The following LSAMP variants were observed in gnomAD, a reference collection of about 807,000 sequenced individuals.
The protein encoded by LSAMP is limbic system associated membrane protein, also known as limbic system-associated membrane protein.
Under a neutral mutation model 38.6 loss-of-function variants are expected in LSAMP, and 7 were observed. That is an observed-to-expected ratio of 0.18 (90% confidence interval 0.10 to 0.34). LSAMP has a LOEUF of 0.34. Ranked by LOEUF, LSAMP falls within the 10% of genes least tolerant of loss-of-function variation. The pLI is 1.00. For missense variants in LSAMP, 313 were observed against 420.0 expected, an observed-to-expected ratio of 0.75 and a Z score of 2.23; for synonymous variants, 154 against 166.8, an observed-to-expected ratio of 0.92 and a Z score of 0.59.
chr3:116,231,290 G>A lies in LSAMP; in HGVS notation c.156-144734C>T, dbSNP rs535802230. Among the ~76,000 whole-genome samples the A allele has an allele frequency of 2.0e-5, 3 of 152,292 alleles. No homozygotes were observed. The South Asian group carries it at 6.2e-4, about 32-fold the overall frequency. On this transcript the variant is annotated intron_variant, in intron 1 of 6. Transcript: ENST00000490035. ...AGTTCTCACATATTCAATCATTGAT[G>A]ATAAGAGCTTGGGTGTGAAAATCTG...
chr3:116,318,306 T>C (rs921740727), intron 1 of LSAMP, among the ~76,000 whole-genome samples: 1 of 152,152 alleles, frequency 6.6e-6, no homozygotes, highest in Non-Finnish European at 1.5e-5. Context: ...AAATCATTCA[T>C]TTAAAGATTT....
chr3:115,975,370 G>A (rs1939155073), intron 3 of LSAMP, among the ~76,000 whole-genome samples: 1 of 152,202 alleles, frequency 6.6e-6, no homozygotes, highest in Non-Finnish European at 1.5e-5. Context: ...ACTAATGAAA[G>A]AGGTTGGGGT....
At chr3:116,416,988 A>G (rs1458481474) in intron 1 of LSAMP, among the ~76,000 whole-genome samples, 1 of 152,182 alleles carries the variant, frequency 6.6e-6, no homozygotes, top group African/African-American at 2.4e-5. Flanking sequence ...GGAAAAGTGA[A>G]AGATTAAAGG....
intron 1 of LSAMP, among the ~76,000 whole-genome samples, chr3:116,344,990 T>C (rs2048044641): frequency 6.6e-6 from 1 of 152,342 alleles, no homozygotes; most frequent in South Asian, 2.1e-4. Context: ...AATCCCTGTG[T>C]GTATGTATGT....
At chr3:116,386,036 TG>T (rs1460922597) in intron 1 of LSAMP, among the ~76,000 whole-genome samples, 1 of 152,074 alleles carries the variant, frequency 6.6e-6, no homozygotes, top group Non-Finnish European at 1.5e-5. Flanking sequence ...CAAAAAACTT[TG>T]GGAAATTCTT....
chr3:116,325,333 G>T (rs114655982), intron 1 of LSAMP, among the ~76,000 whole-genome samples: 184 of 151,944 alleles, frequency 1.2e-3, no homozygotes, highest in African/African-American at 3.8e-3. Flanking sequence ...ACAAGGAATC[G>T]CTACCTCTTT....
In LSAMP at chr3:115,808,556, C is replaced by T. The variant is rs1933703858; in HGVS notation, c.*1761G>A. ...TTGCCCAGCAATTTTGGTTAAGGAC[C>T]TAGATCACATTTCAGTGTTAATGTC... On this transcript the variant is annotated 3_prime_UTR_variant, in exon 7 of 7. Coordinates refer to ENST00000490035, the MANE Select transcript of LSAMP (RefSeq NM_002338.5). 6.6e-6 allele frequency: 1 copy of T among 152,016 alleles called. No individual in the cohort carries two copies. The highest frequency in any genetic ancestry group is 2.4e-5 in the African/African-American group (1 of 41,396). 9.4% of individuals were successfully genotyped at this position (152,016 alleles called of 1,614,324 possible). A position where few individuals can be genotyped will look rare whatever the true frequency, so the allele number is the denominator to read the frequency against.
intron 3 of LSAMP, among the ~76,000 whole-genome samples, chr3:115,990,458 A>C (rs1270409556): frequency 2.0e-5 from 3 of 152,170 alleles, no homozygotes; most frequent in East Asian, 1.9e-4. Context: ...GTGACCTAGT[A>C]GTAGGCATCT....
At chr3:116,309,135 C>G (rs1339350445) in intron 1 of LSAMP, among the ~76,000 whole-genome samples, 1 of 151,966 alleles carries the variant, frequency 6.6e-6, no homozygotes, top group Non-Finnish European at 1.5e-5. Flanking sequence ...AATATACAAA[C>G]TATTCTTTGT....
At chr3:116,210,038 G>T (rs1378266375) in intron 1 of LSAMP, among the ~76,000 whole-genome samples, 6 of 152,152 alleles carry the variant, frequency 3.9e-5, no homozygotes, top group African/African-American at 1.4e-4. Context: ...ACAGGCCTGA[G>T]CCACTGAGCC....
intron 4 of LSAMP, among the ~76,000 whole-genome samples, chr3:115,845,996 A>G (rs192000573): frequency 2.0e-3 from 297 of 152,298 alleles, no homozygotes; most frequent in Non-Finnish European, 3.5e-3. Context: ...CATTGTTTCT[A>G]ATATTTTTCA....
chr3:115,847,116 TAAAG>T (rs1388190220), intron 4 of LSAMP, among the ~76,000 whole-genome samples: 1 of 152,200 alleles, frequency 6.6e-6, no homozygotes, highest in African/African-American at 2.4e-5. Flanking sequence ...GTATCATGGA[TAAAG>T]AAAGGACTTT....
At chr3:116,347,784 C>A (rs955713620) in intron 1 of LSAMP, among the ~76,000 whole-genome samples, 5 of 152,012 alleles carry the variant, frequency 3.3e-5, no homozygotes, top group African/African-American at 1.2e-4. Context: ...TATTTATATT[C>A]TTATCAATCA....
chr3:115,942,858 A>T (rs923247611), intron 3 of LSAMP, among the ~76,000 whole-genome samples: 3 of 152,196 alleles, frequency 2.0e-5, no homozygotes, highest in African/African-American at 7.2e-5. Context: ...AAACAGAATC[A>T]TGGAAGCATC....
intron 1 of LSAMP, among the ~76,000 whole-genome samples, chr3:116,103,348 T>A (rs1708389007): frequency 6.6e-6 from 1 of 151,156 alleles, no homozygotes; most frequent in African/African-American, 2.4e-5. Context: ...ATGATTATAG[T>A]CCCTGATACT....
intron 1 of LSAMP, among the ~76,000 whole-genome samples, chr3:116,405,058 AT>A (rs2048883396): frequency 6.6e-6 from 1 of 152,156 alleles, no homozygotes; most frequent in African/African-American, 2.4e-5. Flanking sequence ...GTTTATTCAT[AT>A]TGGGCTATCT....
chr3:116,096,796 TTTGAGGAC>T (rs982120690), intron 1 of LSAMP, among the ~76,000 whole-genome samples: 73 of 152,194 alleles, frequency 4.8e-4, no homozygotes, highest in African/African-American at 1.6e-3. Flanking sequence ...TACCCTATGC[TTTGAGGAC>T]TCTCAGGTTG....
chr3:116,081,062 T>A (rs1559735078), intron 2 of LSAMP, among the ~76,000 whole-genome samples: 1 of 151,966 alleles, frequency 6.6e-6, no homozygotes, highest in Non-Finnish European at 1.5e-5. Context: ...CGTCTTGGAG[T>A]TCTGGGTAAC....
At chr3:116,017,837 A>G (rs771513339) in intron 3 of LSAMP, among the ~76,000 whole-genome samples, 2 of 152,184 alleles carry the variant, frequency 1.3e-5, no homozygotes, top group African/African-American at 4.8e-5. Flanking sequence ...TACAGTAAAC[A>G]CAATGATTTT....
Sources: gnomAD v4.1 joint callset for allele counts (sites outside exome capture counted in the v4.1 genomes callset) on GRCh38, gnomAD v4.1.1 for gene constraint, MANE v1.5 for transcripts, NCBI Gene and HGNC (gene_info 2026-07-23, HGNC 2026-07-21) for gene names.